NCOA2: variants seen among roughly 807,000 people sequenced by gnomAD.
NCOA2 encodes the protein nuclear receptor coactivator 2.
In NCOA2, 21 loss-of-function variants were observed where a neutral mutation model predicts 145.1. The observed-to-expected ratio is 0.14, with a 90% CI of 0.10 to 0.21. NCOA2 has a LOEUF of 0.21. NCOA2 is among the 10% of genes least tolerant of loss of function. NCOA2 has a pLI of 1.00. For synonymous variants in NCOA2, 619 were observed against 637.5 expected, an observed-to-expected ratio of 0.97 and a Z score of 0.44; for missense variants, 1,472 against 1,837.6, an observed-to-expected ratio of 0.80 and a Z score of 3.64.
At chr8:70,231,881 C>A (rs144926594) in intron 2 of NCOA2, among the ~76,000 whole-genome samples, 1 of 152,272 alleles carries the variant, frequency 6.6e-6, no homozygotes, top group Non-Finnish European at 1.5e-5. Flanking sequence ...GCAGCTTAAT[C>A]CCCCACAGTT....
intron 4 of NCOA2, among the ~76,000 whole-genome samples, chr8:70,211,970 C>T (rs866849571): frequency 5.2e-4 from 78 of 151,320 alleles, no homozygotes; most frequent in Admixed American, 3.2e-3. Flanking sequence ...TGGCGCAGTC[C>T]CAGCATGACA....
intron 11 of NCOA2, among the ~76,000 whole-genome samples, 160 bp from the exon 12 acceptor site, chr8:70,148,643 A>T (rs953716225): frequency 7.9e-5 from 12 of 152,250 alleles, no homozygotes; most frequent in Admixed American, 2.0e-4. Context: ...ATCATCTTTT[A>T]AAAAATTAGG....
chr8:70,220,552 C>G (rs1011739370), intron 2 of NCOA2, among the ~76,000 whole-genome samples: 4 of 152,128 alleles, frequency 2.6e-5, no homozygotes, highest in Admixed American at 6.5e-5. Context: ...TATAGCCTTA[C>G]GATTAGTAAG....
At chr8:70,305,086 A>G (rs945574821) in intron 1 of NCOA2, among the ~76,000 whole-genome samples, 3 of 116,018 alleles carry the variant, frequency 2.6e-5, no homozygotes, top group African/African-American at 6.9e-5. Context: ...GGGTTTTGCT[A>G]TGTCGCTCAG....
At chr8:70,267,801 A>C (rs149695627) in intron 2 of NCOA2, among the ~76,000 whole-genome samples, 80 of 152,338 alleles carry the variant, frequency 5.3e-4, no homozygotes, top group African/African-American at 1.8e-3. Flanking sequence ...TATTTATCAC[A>C]TAAGGCACAA....
At chr8:70,403,613 G>C (rs1047325939) in intron 1 of NCOA2, 87 bp downstream of exon 1, 3 of 318,280 alleles carry the variant, frequency 9.4e-6, no homozygotes, top group African/African-American at 8.6e-5. Flanking sequence ...AGGAAGGGCA[G>C]TCGCGGCCGG....
chr8:70,442,106 G>GAGAAAGAAAGAAGAAAGAA, the NCOA2 span, among the ~76,000 whole-genome samples: 1,031 of 65,394 alleles, frequency 0.016, 88 homozygotes, highest in Middle Eastern at 0.027. Context: ...AGAAGAAACA[G>GAGAAAGAAAGAAGAAAGAA]AGAAAGAAAG....
chr8:70,229,447 G>A (rs560303606), intron 2 of NCOA2, among the ~76,000 whole-genome samples: 1 of 152,280 alleles, frequency 6.6e-6, no homozygotes, highest in African/African-American at 2.4e-5. Flanking sequence ...TTGAAGAATG[G>A]GTATAATTTT....
chr8:70,210,305 T>C (rs558628749), intron 4 of NCOA2, among the ~76,000 whole-genome samples: 1 of 152,312 alleles, frequency 6.6e-6, no homozygotes, highest in South Asian at 2.1e-4. Context: ...GTATTAAAAA[T>C]TCTCCAAGAT....
intron 21 of NCOA2, among the ~76,000 whole-genome samples, chr8:70,122,566 T>C (rs1347203186): frequency 1.3e-5 from 2 of 152,208 alleles, no homozygotes; most frequent in Admixed American, 1.3e-4. Flanking sequence ...TAAAAGTCTG[T>C]ATTTCTTTAT....
At chr8:70,296,073 C>A (rs1478126505) in intron 2 of NCOA2, among the ~76,000 whole-genome samples, 1 of 152,136 alleles carries the variant, frequency 6.6e-6, no homozygotes, top group Non-Finnish European at 1.5e-5. Context: ...TTTATTTAGT[C>A]TTTACTGTAT....
intron 4 of NCOA2, among the ~76,000 whole-genome samples, chr8:70,213,063 C>T (rs1249331460): frequency 4.5e-5 from 6 of 132,618 alleles, no homozygotes; most frequent in African/African-American, 8.7e-5. Context: ...CCAGCCTGGG[C>T]GATAGAGTGA....
chr8:70,132,845 C>CG lies in NCOA2; in HGVS notation c.3159-844dup, dbSNP rs766075294. On this transcript the variant is annotated intron_variant, in intron 15 of 22. Transcript: ENST00000452400. Reference sequence around the variant, plus strand: ...TCTCCCTAAGTGCTGGGATAACAGGCGTGAGCTACCACACCTGGCCTGAAA... The same window carrying CG: ...TCTCCCTAAGTGCTGGGATAACAGGCGGTGAGCTACCACACCTGGCCTGAAA... 1.4e-3 allele frequency among the ~76,000 whole-genome samples: 214 copies of CG among 152,288 alleles called. 3 individuals are homozygous for CG. Among genetic ancestry groups the CG allele is most frequent in the South Asian group, 2.1e-3 (10 of 4,812 alleles).
chr8:70,131,899 G>T lies in NCOA2; in HGVS notation c.3262C>A (p.Arg1088=), dbSNP rs1292841322. ...ATCTCCTCCAGGCCATCAAAATTCC[G>T]CAAGGCCAGATACAGCTGGTCCAGG... ...ALLDQLYLAL[R]NFDGLEEIDR... The change falls in exon 16 of 23, where the codon CGG becomes AGG. Residue 1088 remains arginine, a synonymous_variant. Transcript: ENST00000452400. 2.5e-6 allele frequency: 4 copies of T among 1,605,418 alleles called. No homozygotes were observed. In the South Asian group the frequency reaches 3.4e-5, roughly 14 times the overall value.
intron 2 of NCOA2, among the ~76,000 whole-genome samples, chr8:70,236,413 G>A (rs1821610032): frequency 6.6e-6 from 1 of 151,978 alleles, no homozygotes; most frequent in African/African-American, 2.4e-5. Context: ...TGTTTGCCCG[G>A]GAACTATAAA....
At chr8:70,268,855 T>G (rs1824818862) in intron 2 of NCOA2, among the ~76,000 whole-genome samples, 1 of 152,228 alleles carries the variant, frequency 6.6e-6, no homozygotes, top group South Asian at 2.1e-4. Context: ...TTAATAAGAC[T>G]GAGCAAGTAT....
intron 2 of NCOA2, among the ~76,000 whole-genome samples, chr8:70,286,990 C>T (rs1478667294): frequency 2.6e-5 from 4 of 152,040 alleles, no homozygotes; most frequent in African/African-American, 7.3e-5. Context: ...TGCTTGTAAA[C>T]CCAGCATTTA....
chr8:70,397,693 A>G (rs547231464), intron 1 of NCOA2, among the ~76,000 whole-genome samples: 7 of 152,252 alleles, frequency 4.6e-5, no homozygotes, highest in Non-Finnish European at 1.0e-4. Flanking sequence ...TCAAGGACAG[A>G]GAGCACAAAA....
intron 2 of NCOA2, among the ~76,000 whole-genome samples, chr8:70,231,195 C>T (rs572086603): frequency 6.6e-6 from 1 of 152,280 alleles, no homozygotes; most frequent in East Asian, 1.9e-4. Flanking sequence ...ATGCGAGTTC[C>T]CTTCTCACAA....
Sources: gnomAD v4.1 joint callset for allele counts (sites outside exome capture counted in the v4.1 genomes callset) on GRCh38, gnomAD v4.1.1 for gene constraint, MANE v1.5 for transcripts, NCBI Gene and HGNC (gene_info 2026-07-23, HGNC 2026-07-21) for gene names.